RABGAP1L: variants seen among roughly 807,000 people sequenced by gnomAD.
RABGAP1L encodes rab GTPase-activating protein 1-like.
Under a neutral mutation model 137.7 loss-of-function variants are expected in RABGAP1L, and 63 were observed. That is an observed-to-expected ratio of 0.46 (90% CI 0.37 to 0.56). The LOEUF (loss-of-function observed/expected upper bound fraction) is 0.56, where lower values mean the gene tolerates loss of function less well. Ranked by LOEUF, RABGAP1L falls within the 20% of genes least tolerant of loss-of-function variation. The pLI is 0.00. For synonymous variants in RABGAP1L, 431 were observed against 433.7 expected, an observed-to-expected ratio of 0.99 and a Z score of 0.08; for missense variants, 1,095 against 1,244.0, an observed-to-expected ratio of 0.88 and a Z score of 1.80.
At chr1:174,197,113 G>A (rs1257182587) in intron 1 of RABGAP1L, among the ~76,000 whole-genome samples, 1 of 152,186 alleles carries the variant, frequency 6.6e-6, no homozygotes, top group Non-Finnish European at 1.5e-5. Flanking sequence ...TTTAAAATGT[G>A]CCAGGCACTG....
At chr1:174,872,872 A>T (rs1195011896) in intron 19 of RABGAP1L, among the ~76,000 whole-genome samples, 2 of 152,002 alleles carry the variant, frequency 1.3e-5, no homozygotes, top group African/African-American at 2.4e-5. Flanking sequence ...CACTGTGAAC[A>T]TTTTGTCATT....
chr1:174,874,349 C>T (rs1652718838), intron 19 of RABGAP1L: 1 of 406,684 alleles, frequency 2.5e-6, no homozygotes. Context: ...TTCTCTCCCT[C>T]TCAATTTACA....
At chr1:174,632,647 C>T (rs1206882181) in intron 13 of RABGAP1L, among the ~76,000 whole-genome samples, 5 of 150,052 alleles carry the variant, frequency 3.3e-5, no homozygotes, top group African/African-American at 5.0e-5. Flanking sequence ...TTCATTTCAT[C>T]TTCCATCACT....
chr1:174,169,517 G>A (rs1295180828), intron 1 of RABGAP1L, among the ~76,000 whole-genome samples: 1 of 152,120 alleles, frequency 6.6e-6, no homozygotes, highest in Non-Finnish European at 1.5e-5. Context: ...ACTGTGCCTG[G>A]CCCAGATAAA....
At chr1:174,836,038 CA>C (rs1298878283) in intron 19 of RABGAP1L, among the ~76,000 whole-genome samples, 2 of 152,006 alleles carry the variant, frequency 1.3e-5, no homozygotes, top group Non-Finnish European at 2.9e-5. Context: ...TTTGCATAAA[CA>C]AAAAAATAAA....
chr1:174,675,566 A>G (rs1219606517), intron 14 of RABGAP1L, among the ~76,000 whole-genome samples: 3 of 151,944 alleles, frequency 2.0e-5, no homozygotes, highest in Admixed American at 6.5e-5. Context: ...TGACTTGGCG[A>G]TGCGGGCTCT....
At chr1:174,491,719 A>G (rs546541518) in intron 13 of RABGAP1L, among the ~76,000 whole-genome samples, 1 of 152,250 alleles carries the variant, frequency 6.6e-6, no homozygotes, top group East Asian at 1.9e-4. Flanking sequence ...AGAGCACTCC[A>G]TCCTGCAGTG....
chr1:174,711,503 C>T (rs946847677), intron 17 of RABGAP1L, among the ~76,000 whole-genome samples: 6 of 152,104 alleles, frequency 3.9e-5, no homozygotes, highest in African/African-American at 1.2e-4. Flanking sequence ...GGCTGGCCTG[C>T]GCTGCTGGCC....
At chr1:174,655,615 A>C (rs997002588) in intron 14 of RABGAP1L, among the ~76,000 whole-genome samples, 2 of 152,212 alleles carry the variant, frequency 1.3e-5, no homozygotes, top group African/African-American at 2.4e-5. Context: ...TCCCCATTGT[A>C]ATTAATAGGT....
At chr1:174,394,794 G>T (rs1258665347) in intron 13 of RABGAP1L, among the ~76,000 whole-genome samples, 1 of 151,954 alleles carries the variant, frequency 6.6e-6, no homozygotes, top group Non-Finnish European at 1.5e-5. Flanking sequence ...CCTCATAAAT[G>T]AGATTTTTAT....
chr1:174,623,568 C>T (rs1224179786), intron 13 of RABGAP1L, among the ~76,000 whole-genome samples: 3 of 152,176 alleles, frequency 2.0e-5, no homozygotes, highest in Non-Finnish European at 4.4e-5. Flanking sequence ...TTTGTCCTCT[C>T]CCCATGAGTA....
chr1:174,617,237 G>A (rs577479927), intron 13 of RABGAP1L, among the ~76,000 whole-genome samples: 4 of 152,296 alleles, frequency 2.6e-5, no homozygotes, highest in Admixed American at 2.6e-4. Context: ...TCAAGTTTCA[G>A]CTTTGCCCTA....
chr1:174,899,218 C>T (rs914186474), intron 19 of RABGAP1L, among the ~76,000 whole-genome samples: 13 of 151,858 alleles, frequency 8.6e-5, no homozygotes, highest in Non-Finnish European at 1.3e-4. Flanking sequence ...ACAAAAAAAC[C>T]GAGCAGACAA....
At chr1:174,897,018 A>G (rs1403049761) in intron 19 of RABGAP1L, 2 of 152,132 alleles carry the variant, frequency 1.3e-5, no homozygotes, top group African/African-American at 2.4e-5. Context: ...TGAATCTGTA[A>G]ATTACCTTGG....
chr1:174,980,463 T>C (rs1055280587), intron 23 of RABGAP1L, among the ~76,000 whole-genome samples: 8 of 152,110 alleles, frequency 5.3e-5, no homozygotes, highest in African/African-American at 1.7e-4. Context: ...ATGTGGGAAA[T>C]GAAACCTTTT....
intron 19 of RABGAP1L, among the ~76,000 whole-genome samples, chr1:174,947,842 G>A (rs1667124509): frequency 6.6e-6 from 1 of 152,202 alleles, no homozygotes; most frequent in Non-Finnish European, 1.5e-5. Context: ...TTATATCCAA[G>A]CTGCTTATAT....
intron 1 of RABGAP1L, among the ~76,000 whole-genome samples, chr1:174,164,919 T>G (rs1664779865): frequency 6.6e-6 from 1 of 152,218 alleles, no homozygotes; most frequent in African/African-American, 2.4e-5. Flanking sequence ...AAGCCAGGGC[T>G]CTGGACTCAA....
chr1:174,508,927 C>G (rs1241488733), intron 13 of RABGAP1L, among the ~76,000 whole-genome samples: 1 of 152,068 alleles, frequency 6.6e-6, no homozygotes, highest in Admixed American at 6.5e-5. Context: ...ACCCAGCACA[C>G]CTGCATTTTG....
intron 14 of RABGAP1L, among the ~76,000 whole-genome samples, chr1:174,672,116 A>G (rs1270467061): frequency 6.6e-6 from 1 of 152,070 alleles, no homozygotes; most frequent in Non-Finnish European, 1.5e-5. Flanking sequence ...GTTGGCATAT[A>G]ATTGTTCATA....
Sources: allele counts gnomAD v4.1 joint callset (sites outside exome capture counted in the v4.1 genomes callset), GRCh38; gene constraint gnomAD v4.1.1; transcripts MANE v1.5; gene names NCBI Gene and HGNC (gene_info 2026-07-23, HGNC 2026-07-21).